The following HTRA3 variants were observed in gnomAD, a reference collection of about 807,000 sequenced individuals.
HTRA3 encodes the protein HtrA serine peptidase 3, also known as serine protease HTRA3.
In HTRA3, 41 loss-of-function variants were observed where a neutral mutation model predicts 43.2. That is an observed-to-expected ratio of 0.95 (90% CI 0.74 to 1.23). HTRA3 has a LOEUF of 1.23. Ranked by LOEUF, HTRA3 falls within the 50% of genes most tolerant of loss-of-function variation. HTRA3 has a pLI of 0.00. For synonymous variants in HTRA3, 295 were observed against 287.9 expected (o/e 1.02, Z -0.25); for missense variants, 628 against 647.1 (o/e 0.97, Z 0.32).
intron 1 of HTRA3, among the ~76,000 whole-genome samples, chr4:8,278,305 C>A (rs1712609617): frequency 6.6e-6 from 1 of 151,736 alleles, no homozygotes; most frequent in African/African-American, 2.4e-5. Flanking sequence ...ACACCGGACA[C>A]CTAGCCTCGG....
intron 2 of HTRA3, among the ~76,000 whole-genome samples, chr4:8,284,757 G>C (rs182951803): frequency 1.3e-5 from 2 of 152,340 alleles, no homozygotes; most frequent in Non-Finnish European, 2.9e-5. Context: ...GCCTGGGGCA[G>C]ACCCCTGCTT....
chr4:8,292,473 C>G, intron 5 of HTRA3, 120 bp downstream of exon 5: 1 of 846,626 alleles, frequency 1.2e-6, no homozygotes, highest in Non-Finnish European at 1.9e-6. Context: ...CACCAACAGT[C>G]GGGAGTGCAG....
intron 1 of HTRA3, among the ~76,000 whole-genome samples, chr4:8,271,471 G>C (rs929379910): frequency 6.6e-6 from 1 of 152,188 alleles, no homozygotes; most frequent in African/African-American, 2.4e-5. Flanking sequence ...TGGGAGCCCC[G>C]TGTGGGAAGC....
At position 8,306,150 on chromosome 4, in the gene HTRA3, C is replaced by A; in HGVS notation, c.*14C>A. The A allele has an allele frequency of 1.3e-6, 2 of 1,556,714 alleles. No homozygotes were observed. The highest frequency in any genetic ancestry group is 1.2e-5 in the South Asian group (1 of 82,822). The stretch of plus-strand genomic sequence containing the variant: ...GTGGTCATGTGAGGGGCGCATTCCT[C>A]CAGCGCCAAGCGTCAGAGCCTGCAG... On this transcript the variant is annotated 3_prime_UTR_variant, in exon 9 of 9. Transcript: ENST00000307358. This position sits in a 1 kb window ranked among gnomAD's most constrained non-coding sequence, Gnocchi z 8.9.
intron 3 of HTRA3, among the ~76,000 whole-genome samples, chr4:8,287,138 G>A (rs895390827): frequency 6.6e-6 from 1 of 152,230 alleles, no homozygotes; most frequent in Non-Finnish European, 1.5e-5. Context: ...TGGCATCTGG[G>A]TTTGGGCGTG....
In HTRA3 at chr4:8,282,460, C is replaced by T. The variant is rs200952284; in HGVS notation, c.409C>T (p.Arg137Cys). 2.5e-5 allele frequency: 41 copies of T among 1,613,864 alleles called. No individual in the cohort carries two copies. The highest frequency in any genetic ancestry group is 5.0e-5 in the Admixed American group (3 of 60,008). The change falls in exon 2 of 9, where the codon CGC (arginine) becomes TGC (cysteine). Residue 137 changes from arginine to cysteine, a missense_variant. By Grantham distance (180) the Arg-to-Cys change is radical (BLOSUM62 -3). Coordinates refer to ENST00000307358, the MANE Select transcript of HTRA3 (RefSeq NM_053044.5). ...AGGTCTCCACCAGCTGAGCAGCCCG[C>T]GCTACAAGTTCAACTTCATTGCTGA... ...PLGLHQLSSP[R>C]YKFNFIADVV...
intron 1 of HTRA3, among the ~76,000 whole-genome samples, chr4:8,278,390 G>GAA (rs137976560): frequency 2.4e-5 from 3 of 125,866 alleles, no homozygotes; most frequent in Admixed American, 8.2e-5. Context: ...GTTTATTGAG[G>GAA]AAAAAAAAAA....
At chr4:8,294,818 C>A (rs1713398492) in intron 6 of HTRA3, among the ~76,000 whole-genome samples, 1 of 144,720 alleles carries the variant, frequency 6.9e-6, no homozygotes, top group Non-Finnish European at 1.5e-5. Flanking sequence ...ACCCACCCAG[C>A]CATTCATCCA....
intron 1 of HTRA3, 135 bp from the exon 2 acceptor site, chr4:8,282,302 G>T: frequency 1.4e-6 from 1 of 700,574 alleles, no homozygotes; most frequent in Admixed American, 2.2e-5. Context: ...CGGGCTCAGT[G>T]TGGGCTGAGG....
chr4:8,298,088 G>A (rs1489268853), intron 6 of HTRA3, among the ~76,000 whole-genome samples: 10 of 152,178 alleles, frequency 6.6e-5, no homozygotes, highest in Non-Finnish European at 2.9e-5. Flanking sequence ...CGGGGCACTC[G>A]CTGCCCTGGA....
chr4:8,281,355 CT>C (rs1270644661), intron 1 of HTRA3, among the ~76,000 whole-genome samples: 1 of 152,204 alleles, frequency 6.6e-6, no homozygotes, highest in Non-Finnish European at 1.5e-5. Flanking sequence ...GCCCTCTTTG[CT>C]CCCCATTGCC....
chr4:8,269,790 G>C lies in HTRA3; in HGVS notation c.-179G>C, dbSNP rs1712164364. The C allele has an allele frequency of 6.1e-6, 1 of 164,378 alleles. No homozygotes were observed. Among genetic ancestry groups the C allele is most frequent in the African/African-American group, 2.4e-5 (1 of 41,610 alleles). 10.2% of individuals were successfully genotyped at this position (164,378 alleles called of 1,614,324 possible). ...GGGAGCTGGTCCCTGCGCTCCCTGC[G>C]CCCTGGGGATGCCCCTGCCGCCCTG... On this transcript the variant is annotated 5_prime_UTR_variant, in exon 1 of 9. Transcript: ENST00000307358.
Position 8,304,170 on chromosome 4 carries a change from C to T in HTRA3, c.1101-14C>T, listed in dbSNP as rs371130871. On this transcript the variant is annotated splice_polypyrimidine_tract_variant and intron_variant, in intron 7 of 8. Transcript: ENST00000307358. ...AGGCTCAGGGGAGGGGCCTTGACGG[C>T]AGACTCTTTCCAGCCTGGTGGATGA... 6.2e-7 allele frequency: 1 copy of T among 1,611,252 alleles called. No individual in the cohort carries two copies. The highest frequency in any genetic ancestry group is 1.3e-5 in the African/African-American group (1 of 74,886).
rs185668286 is a variant in HTRA3 at position 8,306,449 on chromosome 4, C to T, written c.*313C>T. ...GAGGTCCCCTCCTCTCCTAGCTTCCCGCCTCTGCCCCTGTGAACACCCATC... is the reference window on the plus strand; with the variant it reads ...GAGGTCCCCTCCTCTCCTAGCTTCCTGCCTCTGCCCCTGTGAACACCCATC... On this transcript the variant is annotated 3_prime_UTR_variant, in exon 9 of 9. Transcript: ENST00000307358. This position sits in a 1 kb window ranked among gnomAD's most constrained non-coding sequence, Gnocchi z 8.9. The T allele has an allele frequency of 6.7e-4, 184 of 275,080 alleles. 1 individual carries two copies. Among genetic ancestry groups the T allele is most frequent in the African/African-American group, 3.8e-3 (169 of 45,048 alleles). 17.0% of individuals were successfully genotyped at this position (275,080 alleles called of 1,614,324 possible). A position where few individuals can be genotyped will look rare whatever the true frequency, so the allele number is the denominator to read the frequency against.
chr4:8,300,534 TTC>T (rs1218163218), intron 6 of HTRA3, among the ~76,000 whole-genome samples: 6 of 152,364 alleles, frequency 3.9e-5, no homozygotes, highest in Non-Finnish European at 7.4e-5. Context: ...GTTCACAATA[TTC>T]TCTTATTATT....
Position 8,291,480 on chromosome 4 carries a change from C to T in HTRA3, c.819C>T (p.Ile273=), listed in dbSNP as rs756832928. 1.9e-5 allele frequency: 30 copies of T among 1,612,918 alleles called. No homozygotes were observed. The highest frequency in any genetic ancestry group is 1.1e-4 in the South Asian group (10 of 91,088). The change falls in exon 4 of 9, where the codon ATC becomes ATT. Residue 273 remains isoleucine (I), a synonymous_variant. Coordinates refer to ENST00000307358, the MANE Select transcript of HTRA3 (RefSeq NM_053044.5). ...FALQNTVTTG[I]VSTAQREGRE... ...TACAGAACACAGTGACAACGGGCAT[C>T]GTCAGCACTGCCCAGCGGGAGGGCA... is the stretch of plus-strand genomic sequence containing the variant.
intron 1 of HTRA3, among the ~76,000 whole-genome samples, chr4:8,272,785 C>T (rs745646540): frequency 9.9e-5 from 15 of 152,190 alleles, no homozygotes; most frequent in African/African-American, 2.4e-4. Flanking sequence ...AGAGCCCTGT[C>T]GCCACCAGAG....
intron 6 of HTRA3, among the ~76,000 whole-genome samples, chr4:8,298,638 G>C (rs1466442502): frequency 1.3e-5 from 2 of 152,102 alleles, no homozygotes; most frequent in African/African-American, 4.8e-5. Flanking sequence ...TGAGGTTTCA[G>C]ATTTAGGACT....
At chr4:8,287,626 C>G (rs183187921) in intron 3 of HTRA3, among the ~76,000 whole-genome samples, 20 of 152,238 alleles carry the variant, frequency 1.3e-4, no homozygotes, top group Admixed American at 9.8e-4. Context: ...ACCATGAGAA[C>G]AGCATGGGGG....
Sources: gnomAD v4.1 joint callset for allele counts (sites outside exome capture counted in the v4.1 genomes callset) on GRCh38, gnomAD v4.1.1 for gene constraint, Gnocchi (gnomAD v3.1) non-coding constraint, MANE v1.5 for transcripts, NCBI Gene and HGNC (gene_info 2026-07-23, HGNC 2026-07-21) for gene names.